The following IFT122 variants were observed in gnomAD, a reference collection of about 807,000 sequenced individuals.
The protein encoded by IFT122 is intraflagellar transport 122.
In IFT122, 118 loss-of-function variants were observed where a neutral mutation model predicts 161.6. That is an observed-to-expected ratio of 0.73 (90% CI 0.63 to 0.85). The LOEUF (loss-of-function observed/expected upper bound fraction) is 0.85. Among genes scored for constraint, IFT122 ranks in the 40% least tolerant of loss-of-function variants. The pLI, the probability that IFT122 is intolerant of heterozygous loss-of-function variation, is 0.00. For synonymous variants in IFT122, 550 were observed against 602.4 expected (o/e 0.91, Z 1.27); for missense variants, 1,381 against 1,579.6 (o/e 0.87, Z 2.13).
intron 4 of IFT122, 123 bp from the exon 5 acceptor site, chr3:129,461,105 C>T (rs1204250405): frequency 2.5e-5 from 24 of 955,946 alleles, no homozygotes; most frequent in Non-Finnish European, 3.4e-5. Flanking sequence ...TTTTGTTGGT[C>T]ACTTGCAGAA....
intron 26 of IFT122, among the ~76,000 whole-genome samples, chr3:129,517,208 G>GACTGCCCCTGCACACACACACACACAGAA (rs1560027057): frequency 1.4e-4 from 16 of 115,220 alleles, no homozygotes; most frequent in South Asian, 5.9e-4. Context: ...CACACACACA[G>GACTGCCCCTGCACACACACACACACAGAA]ACTGCCCCTG....
intron 18 of IFT122, among the ~76,000 whole-genome samples, chr3:129,498,756 CAGTG>C (rs1577942610): frequency 6.6e-6 from 1 of 152,142 alleles, no homozygotes; most frequent in South Asian, 2.1e-4. Context: ...TTTTTGTTCT[CAGTG>C]AGGCTGACAC....
intron 1 of IFT122, among the ~76,000 whole-genome samples, chr3:129,443,353 T>G (rs1270836807): frequency 6.6e-6 from 1 of 152,202 alleles, no homozygotes. Context: ...AATCTGACAG[T>G]GTGTCTTCTG....
chr3:129,503,415 C>T (rs375544793), intron 20 of IFT122, among the ~76,000 whole-genome samples: 5 of 152,118 alleles, frequency 3.3e-5, no homozygotes, highest in South Asian at 4.1e-4. Context: ...AAGAATTAGC[C>T]AGGTCAGCGA....
intron 23 of IFT122, among the ~76,000 whole-genome samples, chr3:129,508,945 C>A (rs2108600970): frequency 6.6e-6 from 1 of 152,336 alleles, no homozygotes; most frequent in South Asian, 2.1e-4. Context: ...GCTGAGCATA[C>A]TTCTCAAATG....
Position 129,453,060 on chromosome 3 carries a change from G to A in IFT122, c.193+1062G>A, listed in dbSNP as rs114354396. On this transcript the variant is annotated intron_variant, in intron 3 of 29. Transcript: ENST00000348417. ...AAGACTGCAGGTAGAGAAAAGTTAT[G>A]GTTGAAGATCAGAAATTCAGTTTTA... Among the ~76,000 whole-genome samples, 1,362 of 152,290 alleles carry A rather than the reference G, an allele frequency of 8.9e-3. 8 individuals carry two copies. The highest frequency in any genetic ancestry group is 0.029 in the South Asian group (140 of 4,820).
At chr3:129,455,702 T>C (rs1048101990) in intron 3 of IFT122, among the ~76,000 whole-genome samples, 3 of 152,178 alleles carry the variant, frequency 2.0e-5, no homozygotes, top group Non-Finnish European at 2.9e-5. Flanking sequence ...ATTAATAGCC[T>C]ACTGTTGACC....
At chr3:129,518,410 G>A (rs1455174204) in intron 27 of IFT122, among the ~76,000 whole-genome samples, 4 of 152,340 alleles carry the variant, frequency 2.6e-5, no homozygotes, top group Middle Eastern at 3.4e-3. Flanking sequence ...GAGTCTGCAG[G>A]CCTGGGGGCT....
At chr3:129,489,282 G>A (rs2079732259) in intron 16 of IFT122, among the ~76,000 whole-genome samples, 1 of 152,180 alleles carries the variant, frequency 6.6e-6, no homozygotes, top group Non-Finnish European at 1.5e-5. Context: ...AACGAGCTGT[G>A]TCACATAAGG....
intron 13 of IFT122, 74 bp from the exon 14 acceptor site, chr3:129,481,456 T>G (rs1248405491): frequency 1.5e-5 from 20 of 1,355,280 alleles, no homozygotes; most frequent in East Asian, 4.6e-5. Flanking sequence ...GCACATGGGA[T>G]TCCAACGGCC....
intron 3 of IFT122, among the ~76,000 whole-genome samples, chr3:129,455,213 C>T (rs111736800): frequency 0.034 from 5,228 of 151,738 alleles, 270 homozygotes; most frequent in South Asian, 0.11. Flanking sequence ...CGCTCTGTCG[C>T]CCAGGCTGGA....
chr3:129,462,178 T>A (rs1223206664), intron 5 of IFT122, among the ~76,000 whole-genome samples: 1 of 152,246 alleles, frequency 6.6e-6, no homozygotes, highest in Non-Finnish European at 1.5e-5. Flanking sequence ...TTGTTTAACA[T>A]ATTTTATAGC....
At chr3:129,468,349 CTT>C (rs796387422) in intron 8 of IFT122, among the ~76,000 whole-genome samples, 1 of 145,328 alleles carries the variant, frequency 6.9e-6, no homozygotes, top group African/African-American at 2.5e-5. Context: ...GAATGCTTTT[CTT>C]TTTTTTTTTT....
chr3:129,464,182 G>A (rs2076469160), intron 6 of IFT122, among the ~76,000 whole-genome samples: 1 of 152,212 alleles, frequency 6.6e-6, no homozygotes, highest in Admixed American at 6.5e-5. Flanking sequence ...AGCTATTCTT[G>A]CTGTTCAGCT....
In IFT122 at chr3:129,497,363, G is replaced by T. The variant is rs947313084; in HGVS notation, c.2208+1756G>T. On this transcript the variant is annotated intron_variant, in intron 18 of 29. Coordinates refer to ENST00000348417, the MANE Select transcript of IFT122 (RefSeq NM_052989.3). ...GACCTGGGGAAAGGCTCTTCGGTTT[G>T]CCAAACCTCCCTTCCCTTCTCAGAT... 4.6e-5 allele frequency among the ~76,000 whole-genome samples: 7 copies of T among 152,334 alleles called. No individual in the cohort carries two copies. In the East Asian group the frequency reaches 1.3e-3, roughly 29 times the overall value.
At chr3:129,520,049 G>A (rs2084559749) in intron 29 of IFT122, 127 bp from the exon 30 acceptor site, 4 of 779,958 alleles carry the variant, frequency 5.1e-6, no homozygotes, top group Non-Finnish European at 8.8e-6. Context: ...CAAAGGTGCT[G>A]CAGGTCTGTG....
chr3:129,502,616 A>T, intron 19 of IFT122, 95 bp from the exon 20 acceptor site: 1 of 1,384,398 alleles, frequency 7.2e-7, no homozygotes, highest in Non-Finnish European at 1.0e-6. Flanking sequence ...GCCATGGCAT[A>T]GTATCAACAC....
At chr3:129,487,761 T>G in intron 15 of IFT122, 1 of 242,992 alleles carries the variant, frequency 4.1e-6, no homozygotes, top group Non-Finnish European at 8.1e-6. Context: ...TGCCCACGGC[T>G]GTGCACGGCT....
intron 9 of IFT122, among the ~76,000 whole-genome samples, chr3:129,474,435 G>A (rs2077687130): frequency 6.6e-6 from 1 of 152,166 alleles, no homozygotes; most frequent in Admixed American, 6.5e-5. Context: ...GTGGTAATAA[G>A]GAACTTGGGC....
Sources: allele counts gnomAD v4.1 joint callset (sites outside exome capture counted in the v4.1 genomes callset), GRCh38; gene constraint gnomAD v4.1.1; transcripts MANE v1.5; gene names NCBI Gene and HGNC (gene_info 2026-07-23, HGNC 2026-07-21).